METTL15: variants seen among roughly 807,000 people sequenced by gnomAD.
METTL15 encodes the protein 12S rRNA N(4)-cytidine methyltransferase METTL15.
A neutral mutation model predicts 38.3 loss-of-function variants in METTL15; 34 were observed. The observed-to-expected ratio is 0.89, with a 90% CI of 0.68 to 1.18. The LOEUF is 1.18. Ranked by LOEUF, METTL15 falls within the 50% of genes most tolerant of loss-of-function variation. The probability of loss-of-function intolerance (pLI) is 0.00; values close to 1 mark genes in which losing one functional copy is unlikely to be tolerated. For synonymous variants in METTL15, 162 were observed against 170.9 expected, an observed-to-expected ratio of 0.95 and a Z score of 0.41; for missense variants, 438 against 498.4, an observed-to-expected ratio of 0.88 and a Z score of 1.15.
At chr11:28,378,100 T>A (rs1590351829) in intron 5 of METTL15, among the ~76,000 whole-genome samples, 2 of 152,128 alleles carry the variant, frequency 1.3e-5, no homozygotes, top group African/African-American at 4.8e-5. Context: ...AGGTTACTGC[T>A]GTCTTTTTGT....
chr11:28,311,526 G>A (rs968111439), intron 6 of METTL15, among the ~76,000 whole-genome samples: 5 of 152,130 alleles, frequency 3.3e-5, no homozygotes, highest in African/African-American at 1.2e-4. Flanking sequence ...GCAACCATAT[G>A]TAATTTACTT....
rs747196581 is a variant in METTL15 at position 28,113,600 on chromosome 11, G to A, written c.266G>A (p.Gly89Glu). The A allele has an allele frequency of 4.4e-5, 70 of 1,603,052 alleles. No homozygotes were observed. Among genetic ancestry groups the A allele is most frequent in the Non-Finnish European group, 5.6e-5 (66 of 1,174,982 alleles). ...EVVHCLSPQKGQIFLDMTFGS... is the reference protein window; with the variant it reads ...EVVHCLSPQKEQIFLDMTFGS... ...GTTCATTGTTTGTCACCACAAAAAG[G>A]ACAGGTGAGTTGAATTTTTATTTTT... Residue 89 changes from glycine (G) to glutamate (E), a missense_variant, in exon 3 of 7, where the codon GGA becomes GAA. Physicochemically the swap from Gly to Glu is moderately conservative, Grantham distance 98. Transcript: ENST00000407364.
At chr11:28,239,163 C>T (rs1396382939) in intron 4 of METTL15, among the ~76,000 whole-genome samples, 1 of 152,134 alleles carries the variant, frequency 6.6e-6, no homozygotes, top group Non-Finnish European at 1.5e-5. Context: ...AGCCTTATCC[C>T]ATCCAACTGC....
intron 6 of METTL15, among the ~76,000 whole-genome samples, chr11:28,303,088 C>T (rs1467873525): frequency 2.0e-5 from 3 of 152,120 alleles, no homozygotes; most frequent in African/African-American, 4.8e-5. Flanking sequence ...GTATTTTCCT[C>T]AAGAGGCTGG....
intron 6 of METTL15, among the ~76,000 whole-genome samples, chr11:28,475,177 G>A (rs558642762): frequency 6.6e-6 from 1 of 152,290 alleles, no homozygotes; most frequent in South Asian, 2.1e-4. Context: ...AGCTATGGAA[G>A]GCTAGAGGCC....
chr11:28,202,962 A>T (rs1852170291), intron 3 of METTL15, among the ~76,000 whole-genome samples: 1 of 135,722 alleles, frequency 7.4e-6, no homozygotes. Flanking sequence ...AATTTCAATG[A>T]TTAGAATGAT....
intron 6 of METTL15, among the ~76,000 whole-genome samples, chr11:28,322,330 C>A (rs1167151966): frequency 6.6e-6 from 1 of 151,970 alleles, no homozygotes; most frequent in Non-Finnish European, 1.5e-5. Context: ...AAAGCAGAGA[C>A]CAACATCACA....
chr11:28,518,810 C>T (rs1345858133), intron 6 of METTL15, among the ~76,000 whole-genome samples: 1 of 152,220 alleles, frequency 6.6e-6, no homozygotes, highest in Non-Finnish European at 1.5e-5. Flanking sequence ...TCACCACACT[C>T]ACCCTGAAAT....
At chr11:28,530,132 G>A (rs929265145), downstream of METTL15, among the ~76,000 whole-genome samples, 5 of 152,120 alleles carry the variant, frequency 3.3e-5, no homozygotes, top group African/African-American at 1.2e-4. Context: ...TTAAGAAGGA[G>A]ACATTAATGA....
At chr11:28,522,131 T>C (rs1331089190) in intron 6 of METTL15, among the ~76,000 whole-genome samples, 1 of 152,192 alleles carries the variant, frequency 6.6e-6, no homozygotes, top group African/African-American at 2.4e-5. Context: ...CAGGAGAATC[T>C]GGGGGATGTT....
chr11:28,424,732 C>T (rs1452458915), intron 6 of METTL15, among the ~76,000 whole-genome samples: 1 of 152,122 alleles, frequency 6.6e-6, no homozygotes, highest in African/African-American at 2.4e-5. Context: ...TGCCCTCTTT[C>T]AATTCTTCCA....
At chr11:28,232,040 G>A (rs565712008) in intron 4 of METTL15, among the ~76,000 whole-genome samples, 1 of 151,904 alleles carries the variant, frequency 6.6e-6, no homozygotes, top group Admixed American at 6.6e-5. Context: ...TAGATATAAT[G>A]GGCTGAGTTC....
chr11:28,324,557 A>G (rs181862728), intron 6 of METTL15, among the ~76,000 whole-genome samples: 31 of 152,350 alleles, frequency 2.0e-4, no homozygotes, highest in African/African-American at 5.8e-4. Flanking sequence ...AGACAGGGAA[A>G]TTGCTGGCAA....
chr11:28,449,438 T>C (rs1300162408), intron 6 of METTL15, among the ~76,000 whole-genome samples: 1 of 152,218 alleles, frequency 6.6e-6, no homozygotes, highest in African/African-American at 2.4e-5. Context: ...TTTACAGAAT[T>C]ATTTACTGAT....
chr11:28,232,312 G>C (rs182705782), intron 4 of METTL15, among the ~76,000 whole-genome samples: 9 of 151,662 alleles, frequency 5.9e-5, no homozygotes, highest in African/African-American at 2.2e-4. Context: ...ATTTCCACTT[G>C]CAGTCCTGTG....
At chr11:28,482,923 G>C (rs1851407413) in intron 6 of METTL15, among the ~76,000 whole-genome samples, 1 of 152,006 alleles carries the variant, frequency 6.6e-6, no homozygotes, top group South Asian at 2.1e-4. Flanking sequence ...TTCAAACTAA[G>C]ACATCCTCCT....
chr11:28,186,140 A>G (rs1851486175), intron 3 of METTL15, among the ~76,000 whole-genome samples: 1 of 151,082 alleles, frequency 6.6e-6, no homozygotes, highest in African/African-American at 2.4e-5. Flanking sequence ...ACAGTAATTC[A>G]GGGAACAAAT....
chr11:28,524,059 G>A (rs1219621080), intron 6 of METTL15, among the ~76,000 whole-genome samples: 1 of 152,126 alleles, frequency 6.6e-6, no homozygotes, highest in Non-Finnish European at 1.5e-5. Flanking sequence ...TATATTCTGG[G>A]GGATACAGTT....
intron 6 of METTL15, among the ~76,000 whole-genome samples, chr11:28,454,097 G>T (rs1851147734): frequency 6.6e-6 from 1 of 152,218 alleles, no homozygotes; most frequent in Non-Finnish European, 1.5e-5. Flanking sequence ...ACTTGGAATT[G>T]TTTCGTTATA....
Sources: gnomAD v4.1 joint callset for allele counts (sites outside exome capture counted in the v4.1 genomes callset) on GRCh38, gnomAD v4.1.1 for gene constraint, MANE v1.5 for transcripts, NCBI Gene and HGNC (gene_info 2026-07-23, HGNC 2026-07-21) for gene names.